The following KIAA1328 variants were observed in gnomAD, a reference collection of about 807,000 sequenced individuals.
The protein encoded by KIAA1328 is KIAA1328.
In KIAA1328, 52 loss-of-function variants were observed where a neutral mutation model predicts 68.1. That is an observed-to-expected ratio of 0.76 (90% CI 0.61 to 0.96). KIAA1328 has a LOEUF of 0.96. Ranked by LOEUF, KIAA1328 falls within the 40% of genes least tolerant of loss-of-function variation. The probability of loss-of-function intolerance (pLI) is 0.00; values close to 1 mark genes in which losing one functional copy is unlikely to be tolerated. For synonymous variants in KIAA1328, 232 were observed against 239.4 expected (o/e 0.97, Z 0.28); for missense variants, 641 against 677.6 (o/e 0.95, Z 0.60).
At chr18:37,086,792 T>C (rs1170412529) in intron 7 of KIAA1328, among the ~76,000 whole-genome samples, 1 of 152,220 alleles carries the variant, frequency 6.6e-6, no homozygotes, top group Non-Finnish European at 1.5e-5. Context: ...GCAGTCTGAT[T>C]CTTGATCTTT....
At chr18:36,886,515 T>G (rs2048506595) in intron 5 of KIAA1328, 1 of 152,126 alleles carries the variant, frequency 6.6e-6, no homozygotes, top group East Asian at 2.0e-4. Context: ...TGTGTGTGTG[T>G]GTGTTTGTGT....
downstream of KIAA1328, chr18:37,229,439 G>A: frequency 1.9e-6 from 1 of 539,350 alleles, no homozygotes; most frequent in Non-Finnish European, 2.8e-6. Flanking sequence ...GTGATTTTTT[G>A]CACCAATAAT....
At position 37,114,836 on chromosome 18, in the gene KIAA1328, A is replaced by C. The variant is rs1241636775; in HGVS notation, c.1233-45364A>C. 2.0e-5 allele frequency among the ~76,000 whole-genome samples: 3 copies of C among 152,340 alleles called. No homozygotes were observed. In the East Asian group the frequency reaches 5.8e-4, roughly 29 times the overall value. ...AATAAAAGATGATAAAGGGGATATC[A>C]CCACTGACTCTACAGAAATACAAAC... On this transcript the variant is annotated intron_variant, in intron 7 of 9. Transcript: ENST00000280020.
intron 8 of KIAA1328, among the ~76,000 whole-genome samples, chr18:37,167,939 T>G (rs956574374): frequency 5.3e-5 from 8 of 151,866 alleles, no homozygotes; most frequent in Non-Finnish European, 1.2e-4. Context: ...TAGACCAGTA[T>G]TCTTTATGAG....
At chr18:37,221,346 G>A (rs920391380) in intron 9 of KIAA1328, among the ~76,000 whole-genome samples, 1 of 152,156 alleles carries the variant, frequency 6.6e-6, no homozygotes, top group Admixed American at 6.5e-5. Flanking sequence ...AATCCTAACT[G>A]GAGTTTTGCT....
At chr18:37,226,259 A>G (rs189676225), downstream of KIAA1328, among the ~76,000 whole-genome samples, 2 of 151,442 alleles carry the variant, frequency 1.3e-5, no homozygotes, top group Non-Finnish European at 2.9e-5. Context: ...CTTGCCAATC[A>G]GCAACGAAAG....
rs563294182 is a variant in KIAA1328 at position 36,969,787 on chromosome 18, G to T, written c.576+10352G>T. On this transcript the variant is annotated intron_variant, in intron 6 of 9. Transcript: ENST00000280020. ...GACTCCTCCCTAACTCTTTCTATGA[G>T]GCCAACATTATCCTGATACCAAAAC... Among the ~76,000 whole-genome samples, 3 of 152,204 alleles carry T rather than the reference G, an allele frequency of 2.0e-5. No homozygotes were observed. The East Asian group carries it at 5.8e-4, about 29-fold the overall frequency.
chr18:37,050,095 A>G (rs2055630795), intron 6 of KIAA1328, among the ~76,000 whole-genome samples: 1 of 152,132 alleles, frequency 6.6e-6, no homozygotes, highest in Non-Finnish European at 1.5e-5. Context: ...TGTCTATACC[A>G]AGTTCTGGTT....
chr18:36,839,717 G>C (rs1436477250), intron 3 of KIAA1328, among the ~76,000 whole-genome samples: 1 of 152,124 alleles, frequency 6.6e-6, no homozygotes, highest in Non-Finnish European at 1.5e-5. Context: ...GCTTCATTTT[G>C]AGCTTTTAAA....
At chr18:36,830,599 T>C (rs1168226386) in intron 1 of KIAA1328, among the ~76,000 whole-genome samples, 4 of 152,164 alleles carry the variant, frequency 2.6e-5, no homozygotes, top group Non-Finnish European at 4.4e-5. Flanking sequence ...GACAAGCTAT[T>C]GCAATGGGAC....
chr18:37,028,060 A>G (rs1350029240), intron 6 of KIAA1328, among the ~76,000 whole-genome samples: 1 of 152,206 alleles, frequency 6.6e-6, no homozygotes, highest in Non-Finnish European at 1.5e-5. Flanking sequence ...ATGAACAGAC[A>G]CTTCTCAAAA....
chr18:36,883,890 G>T (rs901045540), intron 4 of KIAA1328, among the ~76,000 whole-genome samples: 9 of 147,580 alleles, frequency 6.1e-5, no homozygotes, highest in Non-Finnish European at 1.5e-5. Flanking sequence ...GGTATGTCTT[G>T]TTCCGTGACC....
intron 5 of KIAA1328, among the ~76,000 whole-genome samples, chr18:36,919,389 CT>C (rs1418556098): frequency 6.6e-6 from 1 of 152,038 alleles, no homozygotes; most frequent in Non-Finnish European, 1.5e-5. Context: ...GTTGGTCTTG[CT>C]TTTTTATACA....
chr18:36,925,189 G>A (rs2151124164), intron 5 of KIAA1328: 1 of 152,170 alleles, frequency 6.6e-6, no homozygotes, highest in African/African-American at 2.4e-5. Flanking sequence ...GTTTTTTTGT[G>A]AAATCTCTAT....
chr18:37,084,086 C>A, intron 7 of KIAA1328: 1 of 1,254,514 alleles, frequency 8.0e-7, no homozygotes, highest in Non-Finnish European at 1.1e-6. Context: ...GGTTATCAGG[C>A]TTCACAAGAT....
intron 6 of KIAA1328, among the ~76,000 whole-genome samples, chr18:37,050,258 T>C (rs767474289): frequency 2.6e-5 from 4 of 152,166 alleles, no homozygotes; most frequent in African/African-American, 4.8e-5. Flanking sequence ...AAAAAAGGTC[T>C]ATACATCTTA....
chr18:37,023,675 C>T (rs534952104), intron 6 of KIAA1328, among the ~76,000 whole-genome samples: 22 of 152,296 alleles, frequency 1.4e-4, no homozygotes, highest in African/African-American at 5.1e-4. Flanking sequence ...ACTTTCCATA[C>T]AGCTGACAAG....
intron 7 of KIAA1328, among the ~76,000 whole-genome samples, chr18:37,091,301 G>A (rs2057260662): frequency 6.6e-6 from 1 of 152,148 alleles, no homozygotes; most frequent in African/African-American, 2.4e-5. Flanking sequence ...GAAGGAGAGA[G>A]AAGCAAAGCA....
chr18:37,088,810 G>A (rs1744486759), intron 7 of KIAA1328, among the ~76,000 whole-genome samples: 1 of 151,618 alleles, frequency 6.6e-6, no homozygotes, highest in Admixed American at 6.6e-5. Flanking sequence ...AATTTTTAAT[G>A]GAACTTTAAA....
Sources: allele counts gnomAD v4.1 joint callset (sites outside exome capture counted in the v4.1 genomes callset), GRCh38; gene constraint gnomAD v4.1.1; transcripts MANE v1.5; gene names NCBI Gene and HGNC (gene_info 2026-07-23, HGNC 2026-07-21).